Variants in PDHA1 observed in about 807,000 individuals in gnomAD.
PDHA1 encodes the protein pyruvate dehydrogenase E1 component subunit alpha, somatic form, mitochondrial.
In PDHA1, 1 loss-of-function variant was observed where a neutral mutation model predicts 33.0. The observed-to-expected ratio is 0.03, with a 90% CI of 0.01 to 0.14. The LOEUF is 0.14. PDHA1 is among the 10% of genes least tolerant of loss of function. The probability of loss-of-function intolerance (pLI) is 1.00; values close to 1 mark genes in which losing one functional copy is unlikely to be tolerated. For missense variants in PDHA1, 168 were observed against 325.1 expected (o/e 0.52, Z 3.72); for synonymous variants, 123 against 119.2 (o/e 1.03, Z -0.21).
At chrX:19,352,248 C>T (rs1244203141) in intron 4 of PDHA1, among the ~76,000 whole-genome samples, 5 of 77,657 alleles carry the variant, frequency 6.4e-5, no homozygotes, top group African/African-American at 1.7e-4. Context: ...TTTTTTGAGA[C>T]AGAGTTTCAC....
At chrX:19,358,820 T>A (rs756064815) in intron 9 of PDHA1, 96 bp from the exon 10 acceptor site, 3 of 563,183 alleles carry the variant, frequency 5.3e-6, no homozygotes, top group Admixed American at 2.3e-5. Context: ...TTTCACCTCA[T>A]TGGGACAATC....
At chrX:19,356,509 T>G (rs1602228688) in intron 8 of PDHA1, among the ~76,000 whole-genome samples, 1 of 111,150 alleles carries the variant, frequency 9.0e-6, no homozygotes, top group Non-Finnish European at 1.9e-5. Context: ...ATGAGTAGAA[T>G]GAACTAGAGC....
At chrX:19,359,377 T>TTCGTAC in intron 10 of PDHA1, 112 bp from the exon 11 acceptor site, 1 of 613,792 alleles carries the variant, frequency 1.6e-6, no homozygotes, top group East Asian at 3.2e-5. Context: ...TTAGCAACTG[T>TTCGTAC]TCGTACTTGT....
chrX:19,354,070 C>T (rs113094603), intron 5 of PDHA1, among the ~76,000 whole-genome samples: 1,374 of 111,240 alleles, frequency 0.012, 7 homozygotes, highest in Non-Finnish European at 0.02. Flanking sequence ...CTCAGCCTCC[C>T]GAGTAGCTGG....
chrX:19,352,599 G>A (rs2063171261), intron 4 of PDHA1, among the ~76,000 whole-genome samples: 1 of 112,277 alleles, frequency 8.9e-6, no homozygotes, highest in Non-Finnish European at 1.9e-5. Flanking sequence ...TAGGACCCTC[G>A]AGTATACAAA....
rs1436190898 is a variant in PDHA1, at chrX:19,343,945, C to T, written c.-93C>T. 3 of 797,024 alleles carry T rather than the reference C, an allele frequency of 3.8e-6. No homozygotes were observed. The highest frequency in any genetic ancestry group is 2.4e-5 in the Admixed American group (1 of 41,405). 65.7% of individuals were successfully genotyped at this position (797,024 alleles called of 1,213,427 possible). A position where few individuals can be genotyped will look rare whatever the true frequency, so the allele number is the denominator to read the frequency against. On this transcript the variant is annotated 5_prime_UTR_variant, in exon 1 of 11. Coordinates refer to ENST00000422285, the MANE Select transcript of PDHA1 (RefSeq NM_000284.4). ...ACGCCGCGGTGCGACTGAGGCGTGG[C>T]GTCTGCTGGGGCACCTGAAGGAGAC... is the stretch of plus-strand genomic sequence containing the variant.
At chrX:19,351,522 C>T (rs1414294311) in intron 4 of PDHA1, 115 bp downstream of exon 4, 5 of 654,738 alleles carry the variant, frequency 7.6e-6, no homozygotes, top group Non-Finnish European at 1.2e-5. Context: ...CTTTTTTTAA[C>T]CCTCTCTCCT....
At chrX:19,352,715 A>G (rs1199772750) in intron 4 of PDHA1, 5 of 239,783 alleles carry the variant, frequency 2.1e-5, no homozygotes, top group Admixed American at 5.8e-5. Context: ...AAATCTGTGT[A>G]TAAGTGTACC....
chrX:19,345,444 C>G (rs1452074928), intron 1 of PDHA1, among the ~76,000 whole-genome samples: 1 of 108,559 alleles, frequency 9.2e-6, no homozygotes, highest in Non-Finnish European at 1.9e-5. Flanking sequence ...GTGGCGGGCT[C>G]CTGTAATCCC....
intron 9 of PDHA1, 67 bp from the exon 10 acceptor site, chrX:19,358,838 ATATCATGTTTC>A (rs2063229151): frequency 3.4e-6 from 2 of 594,694 alleles, no homozygotes; most frequent in Non-Finnish European, 6.0e-6. Context: ...ATCCAACCCC[ATATCATGTTTC>A]ATCACGCCGT....
Position 19,349,349 on chromosome X carries a change from A to G in PDHA1, c.95A>G (p.Asn32Ser), listed in dbSNP as rs1213263504. ...RVLVASRNFANDATFEIKKCD... is the reference protein window; with the variant it reads ...RVLVASRNFASDATFEIKKCD... Reference sequence around the variant, plus strand: ...CTGGTAGCATCCCGTAATTTTGCAAATGATGCTACATTTGAAATTAAGGTA... The same window carrying G: ...CTGGTAGCATCCCGTAATTTTGCAAGTGATGCTACATTTGAAATTAAGGTA... The change falls in exon 2 of 11, where the codon AAT becomes AGT. Residue 32 changes from asparagine (N) to serine (S), a missense_variant. By Grantham distance (46) the Asn-to-Ser change is conservative. Transcript: ENST00000422285. 1.7e-6 allele frequency: 2 copies of G among 1,176,978 alleles called. No homozygotes were observed. The highest frequency in any genetic ancestry group is 1.8e-5 in the South Asian group (1 of 56,166).
intron 6 of PDHA1, 133 bp from the exon 7 acceptor site, chrX:19,355,202 TCCCTCACCACCCAA>T: frequency 1.5e-6 from 1 of 664,085 alleles, no homozygotes; most frequent in South Asian, 2.2e-5. Context: ...CACCCCGCTT[TCCCTCACCACCCAA>T]AGCTCGGTTT....
chrX:19,348,669 C>T (rs12009348), intron 1 of PDHA1, among the ~76,000 whole-genome samples: 9,194 of 112,348 alleles, frequency 0.082, 898 homozygotes, highest in African/African-American at 0.28. Context: ...AAAGGCCAGA[C>T]GCAGTGGCTC....
Position 19,359,651 on chromosome X carries a change from T to TAAGGG in PDHA1, c.1172_*3dup. 2.5e-6 allele frequency: 3 copies of TAAGGG among 1,207,656 alleles called. No homozygotes were observed. Among genetic ancestry groups the TAAGGG allele is most frequent in the Non-Finnish European group, 3.4e-6 (3 of 892,192 alleles). ...GTGGATCAAGTTTAAGTCAGTCAGT[T>TAAGGG]AAGGGGAGGAGAAGGAGAGGTTATA... is the stretch of plus-strand genomic sequence containing the variant. On this transcript the variant is annotated frameshift_variant and stop_retained_variant, in exon 11 of 11. Coordinates refer to ENST00000422285, the MANE Select transcript of PDHA1 (RefSeq NM_000284.4). LOFTEE classifies it high-confidence loss of function.
chrX:19,343,955 G>C lies in PDHA1; in HGVS notation c.-83G>C, dbSNP rs950024669. On this transcript the variant is annotated 5_prime_UTR_variant, in exon 1 of 11. Coordinates refer to ENST00000422285, the MANE Select transcript of PDHA1 (RefSeq NM_000284.4). ...GCGACTGAGGCGTGGCGTCTGCTGG[G>C]GCACCTGAAGGAGACTTGGGGGCAC... The C allele has an allele frequency of 2.0e-5, 18 of 881,312 alleles. No homozygotes were observed. The East Asian group carries it at 4.7e-4, about 23-fold the overall frequency. The allele number at this position is 881,312 out of a possible 1,213,427, so 72.6% of individuals were successfully genotyped here. A position where few individuals can be genotyped will look rare whatever the true frequency, so the allele number is the denominator to read the frequency against.
In PDHA1 at chrX:19,358,828, A is replaced by ATCCAACCCCATATCATGTT. The variant is rs369951816; in HGVS notation, c.900-85_900-67dup. On this transcript the variant is annotated intron_variant, in intron 9 of 10. Coordinates refer to ENST00000422285, the MANE Select transcript of PDHA1 (RefSeq NM_000284.4). ...TTCTGTATTTCACCTCATTGGGACA[A>ATCCAACCCCATATCATGTT]TCCAACCCCATATCATGTTTCATCA... is the stretch of plus-strand genomic sequence containing the variant. The ATCCAACCCCATATCATGTT allele has an allele frequency of 5.2e-3, 3,021 of 576,617 alleles. 40 individuals are homozygous for ATCCAACCCCATATCATGTT. The highest frequency in any genetic ancestry group is 0.043 in the African/African-American group (1,907 of 44,628). 47.5% of individuals were successfully genotyped at this position (576,617 alleles called of 1,213,427 possible).
chrX:19,353,492 C>T (rs754525460), intron 5 of PDHA1, among the ~76,000 whole-genome samples: 1 of 112,115 alleles, frequency 8.9e-6, no homozygotes, highest in African/African-American at 3.2e-5. Context: ...CTCTACTATA[C>T]AGCCTAGGTG....
chrX:19,357,291 T>TTG (rs776186128), intron 8 of PDHA1: 1 of 244,549 alleles, frequency 4.1e-6, no homozygotes, highest in Non-Finnish European at 7.5e-6. Context: ...AGATGGGGTT[T>TTG]TGCCATGTTG....
intron 10 of PDHA1, 71 bp downstream of exon 10, chrX:19,359,095 T>C: frequency 1.6e-6 from 1 of 610,914 alleles, no homozygotes; most frequent in South Asian, 2.3e-5. Flanking sequence ...GCCACAGAGT[T>C]TGTGTGGGTT....
Sources: allele counts gnomAD v4.1 joint callset (sites outside exome capture counted in the v4.1 genomes callset), GRCh38; gene constraint gnomAD v4.1.1; transcripts MANE v1.5; gene names NCBI Gene and HGNC (gene_info 2026-07-23, HGNC 2026-07-21).